NVL: variants seen among roughly 807,000 people sequenced by gnomAD.
NVL encodes the protein nuclear valosin-containing protein-like.
In NVL, 84 loss-of-function variants were observed where a neutral mutation model predicts 110.2. The ratio of observed to expected loss-of-function variants is 0.76; its 90% confidence interval spans 0.64 to 0.91. NVL has a LOEUF of 0.91. Ranked by LOEUF, NVL falls within the 40% of genes least tolerant of loss-of-function variation. NVL has a pLI of 0.00. For synonymous variants in NVL, 354 were observed against 361.1 expected (o/e 0.98, Z 0.22); for missense variants, 882 against 1,035.9 (o/e 0.85, Z 2.04).
chr1:224,274,035 A>AACACACACACACACACACAC (rs1224878158), intron 17 of NVL, among the ~76,000 whole-genome samples: 5,001 of 145,554 alleles, frequency 0.034, 124 homozygotes, highest in Non-Finnish European at 0.047. Flanking sequence ...ATGACCTAAC[A>AACACACACACACACACACAC]ACACACACAC....
intron 2 of NVL, among the ~76,000 whole-genome samples, chr1:224,321,771 A>G (rs1472301552): frequency 7.5e-6 from 1 of 133,328 alleles, no homozygotes; most frequent in Non-Finnish European, 1.6e-5. Flanking sequence ...AAAAAAAAAA[A>G]ACTGAAACAG....
chr1:224,320,421 C>T (rs1238505420), intron 2 of NVL, among the ~76,000 whole-genome samples: 3 of 152,026 alleles, frequency 2.0e-5, no homozygotes, highest in Admixed American at 6.6e-5. Context: ...CCAAGATGGG[C>T]GGATCATTTG....
chr1:224,330,143 A>G lies in NVL; in HGVS notation c.-16T>C, dbSNP rs758172444. The G allele has an allele frequency of 8.1e-6, 13 of 1,613,724 alleles. No individual in the cohort carries two copies. Among genetic ancestry groups the G allele is most frequent in the East Asian group, 2.2e-5 (1 of 44,870 alleles). ...TGGGCTTCATCGCGTCGGTCTTCCA[A>G]GCCACAGCTCGGACCGCCAGCTCCT... On this transcript the variant is annotated 5_prime_UTR_variant, in exon 1 of 23. Transcript: ENST00000281701.
rs779188594 is a variant in NVL, at chr1:224,317,903, A to T, written c.159T>A (p.Asn53Lys). ...CTTTTTCTACCTGAATCCTAAAAGCATTTCTTTTTCTTCGACCATAGTCTA... is the reference window on the plus strand; with the variant it reads ...CTTTTTCTACCTGAATCCTAAAAGCTTTTCTTTTTCTTCGACCATAGTCTA... ...YSIDYGRRKR[N>K]AFRIQVEKVF... The change falls in exon 3 of 23, where the codon AAT (asparagine) becomes AAA (lysine). Residue 53 changes from asparagine to lysine, a missense_variant. Physicochemically the swap from Asn to Lys is moderately conservative, Grantham distance 94. This residue lies in a region of NVL where 274 missense variants were observed against 268.4 expected (regional missense o/e 1.02). Coordinates refer to ENST00000281701, the MANE Select transcript of NVL (RefSeq NM_002533.4). 6.3e-7 allele frequency: 1 copy of T among 1,599,100 alleles called. No individual in the cohort carries two copies. The highest frequency in any genetic ancestry group is 1.1e-5 in the South Asian group (1 of 89,626).
intron 19 of NVL, among the ~76,000 whole-genome samples, chr1:224,239,567 G>T (rs1660922511): frequency 6.6e-6 from 1 of 152,116 alleles, no homozygotes; most frequent in Admixed American, 6.6e-5. Context: ...CTTCCCTAAG[G>T]ACACTCCGCG....
intron 18 of NVL, among the ~76,000 whole-genome samples, chr1:224,259,969 C>T (rs979913486): frequency 3.3e-5 from 5 of 152,120 alleles, no homozygotes; most frequent in South Asian, 2.1e-4. Context: ...CGCATCCAGC[C>T]GTAAACAAAT....
chr1:224,328,526 A>ACCT (rs1671370372), intron 1 of NVL, among the ~76,000 whole-genome samples: 1 of 152,040 alleles, frequency 6.6e-6, no homozygotes, highest in Non-Finnish European at 1.5e-5. Context: ...GGCTTTAGGT[A>ACCT]AAAGCAGAAT....
chr1:224,325,460 G>A (rs1248488390), intron 2 of NVL, among the ~76,000 whole-genome samples: 4 of 150,976 alleles, frequency 2.6e-5, no homozygotes, highest in African/African-American at 2.4e-5. Context: ...GAGGCTGGGC[G>A]CTGTGGCTCA....
intron 13 of NVL, among the ~76,000 whole-genome samples, chr1:224,288,396 TC>T (rs1271025694): frequency 1.3e-5 from 2 of 152,174 alleles, no homozygotes; most frequent in African/African-American, 4.8e-5. Flanking sequence ...TTAATATGGT[TC>T]CTTGATGGTT....
chr1:224,260,590 A>G (rs1030387375), intron 18 of NVL, among the ~76,000 whole-genome samples: 3 of 152,218 alleles, frequency 2.0e-5, no homozygotes, highest in Admixed American at 6.5e-5. Context: ...TAGAATGGGC[A>G]GAGCCTCTAA....
At chr1:224,267,686 CAAA>C (rs532968583) in intron 18 of NVL, among the ~76,000 whole-genome samples, 4 of 51,546 alleles carry the variant, frequency 7.8e-5, no homozygotes, top group Non-Finnish European at 8.0e-5. Flanking sequence ...GATTCTGTCT[CAAA>C]AAAAAAAAAA....
At chr1:224,327,057 G>C (rs1431082445) in intron 1 of NVL, among the ~76,000 whole-genome samples, 1 of 151,996 alleles carries the variant, frequency 6.6e-6, no homozygotes, top group Non-Finnish European at 1.5e-5. Flanking sequence ...GTGGGAGATC[G>C]CTTAAGCCCA....
intron 12 of NVL, among the ~76,000 whole-genome samples, chr1:224,293,435 A>C (rs145126798): frequency 7.9e-5 from 12 of 152,306 alleles, no homozygotes; most frequent in Middle Eastern, 3.4e-3. Flanking sequence ...AGTCTCGCTT[A>C]TGAAGTTATA....
intron 16 of NVL, among the ~76,000 whole-genome samples, chr1:224,280,659 T>C (rs1453845983): frequency 6.6e-6 from 1 of 152,248 alleles, no homozygotes; most frequent in East Asian, 1.9e-4. Context: ...TGTTGGAATA[T>C]ATCATAGAAT....
intron 15 of NVL, 54 bp from the exon 16 acceptor site, chr1:224,281,239 C>T: frequency 1.5e-6 from 2 of 1,361,712 alleles, no homozygotes; most frequent in Non-Finnish European, 2.1e-6. Flanking sequence ...GTAATAATAA[C>T]AATAATAATG....
chr1:224,239,820 C>G (rs1660958842), intron 19 of NVL, among the ~76,000 whole-genome samples: 1 of 152,090 alleles, frequency 6.6e-6, no homozygotes, highest in Non-Finnish European at 1.5e-5. Flanking sequence ...GCCTCAGTCC[C>G]AAGAGGCTTA....
chr1:224,298,288 C>A, intron 10 of NVL: 1 of 282,484 alleles, frequency 3.5e-6, no homozygotes, highest in Non-Finnish European at 6.8e-6. Flanking sequence ...GAATGTCCCA[C>A]AAGTGTTACC....
At chr1:224,237,961 CAAAAAAAA>C (rs200152434) in intron 19 of NVL, among the ~76,000 whole-genome samples, 6 of 135,730 alleles carry the variant, frequency 4.4e-5, no homozygotes, top group Non-Finnish European at 9.2e-5. Context: ...GACTTGGTTT[CAAAAAAAA>C]AAAAAAAAAA....
rs1473553635 is a variant in NVL at position 224,272,444 on chromosome 1, G to A, written c.2082+2895C>T. Among the ~76,000 whole-genome samples the A allele has an allele frequency of 5.9e-5, 9 of 152,186 alleles. No individual in the cohort carries two copies. In the Middle Eastern group the frequency reaches 0.01, roughly 174 times the overall value. On this transcript the variant is annotated intron_variant, in intron 17 of 22. Transcript: ENST00000281701. ...TTAGAAAAGCAAACTATAGCTGGGC[G>A]TAGTGGCTCACATCTGTAATGCCAG...
Sources: gnomAD v4.1 joint callset for allele counts (sites outside exome capture counted in the v4.1 genomes callset) on GRCh38, gnomAD v4.1.1 for gene constraint, gnomAD v4.1.1 regional missense constraint, MANE v1.5 for transcripts, NCBI Gene and HGNC (gene_info 2026-07-23, HGNC 2026-07-21) for gene names.